The following ZNF236 variants were observed in gnomAD, a reference collection of about 807,000 sequenced individuals.
ZNF236 encodes regulated by glucose.
ZNF236 carries 50 observed loss-of-function variants against 191.2 expected under a neutral mutation model. The ratio of observed to expected loss-of-function variants is 0.26; its 90% CI spans 0.21 to 0.33. The LOEUF (loss-of-function observed/expected upper bound fraction) is 0.33, where lower values mean the gene tolerates loss of function less well. ZNF236 is among the 10% of genes least tolerant of loss of function. The probability of loss-of-function intolerance (pLI) is 1.00; values close to 1 mark genes in which losing one functional copy is unlikely to be tolerated. For missense variants in ZNF236, 1,754 were observed against 2,374.5 expected, an observed-to-expected ratio of 0.74 and a Z score of 5.43; for synonymous variants, 907 against 928.8, an observed-to-expected ratio of 0.98 and a Z score of 0.43.
chr18:76,938,915 G>A (rs1021577517), intron 26 of ZNF236, among the ~76,000 whole-genome samples: 5 of 152,190 alleles, frequency 3.3e-5, no homozygotes, highest in African/African-American at 4.8e-5. Context: ...TGTGCGGAGC[G>A]CGTGACTGCT....
chr18:76,862,008 C>T (rs1444854880), intron 3 of ZNF236, among the ~76,000 whole-genome samples: 5 of 152,154 alleles, frequency 3.3e-5, no homozygotes, highest in Admixed American at 6.5e-5. Context: ...GGACGACAGG[C>T]GCCCGTCACC....
intron 30 of ZNF236, among the ~76,000 whole-genome samples, 167 bp downstream of exon 30, chr18:76,961,022 A>G (rs1311662219): frequency 6.6e-6 from 1 of 152,072 alleles, no homozygotes; most frequent in Non-Finnish European, 1.5e-5. Context: ...TTTGATTTCC[A>G]TAGGTTATTG....
chr18:76,900,727 A>G (rs1430533348), intron 11 of ZNF236, among the ~76,000 whole-genome samples: 1 of 152,234 alleles, frequency 6.6e-6, no homozygotes, highest in African/African-American at 2.4e-5. Context: ...AGAAAATAAG[A>G]CAGATTGAAA....
In ZNF236 at chr18:76,921,308, C is replaced by G. The variant is rs138265702; in HGVS notation, c.3557+1250C>G. 2.8e-3 allele frequency among the ~76,000 whole-genome samples: 425 copies of G among 152,336 alleles called. 1 individual carries two copies. Among genetic ancestry groups the G allele is most frequent in the Middle Eastern group, 0.017 (5 of 294 alleles). ...GTGGTGTGGCCACAGGACCCTTCAA[C>G]AGCGAGCTCTCGTTGAGCCATGCAG... On this transcript the variant is annotated intron_variant, in intron 20 of 30. Transcript: ENST00000320610.
intron 1 of ZNF236, chr18:76,834,939 A>G (rs1268008313): frequency 1.0e-5 from 2 of 190,980 alleles, no homozygotes; most frequent in African/African-American, 2.4e-5. Context: ...AGAACTACAT[A>G]TACGCCGCTT....
intron 30 of ZNF236, among the ~76,000 whole-genome samples, chr18:76,966,603 G>A (rs1346585933): frequency 6.6e-6 from 1 of 152,138 alleles, no homozygotes. Context: ...CAGTTCAGGT[G>A]CTGTCTCGGT....
intron 7 of ZNF236, among the ~76,000 whole-genome samples, chr18:76,879,492 C>T (rs1976813465): frequency 6.6e-6 from 1 of 152,116 alleles, no homozygotes; most frequent in African/African-American, 2.4e-5. Context: ...CAGAGTTGTC[C>T]ATTCAACGGG....
At chr18:76,940,129 C>T (rs1968100237) in intron 26 of ZNF236, among the ~76,000 whole-genome samples, 1 of 141,882 alleles carries the variant, frequency 7.0e-6, no homozygotes, top group African/African-American at 2.7e-5. Flanking sequence ...GTGGGCTACC[C>T]TAGCACTGCA....
At chr18:76,951,636 G>A (rs923393497) in intron 27 of ZNF236, among the ~76,000 whole-genome samples, 1 of 152,212 alleles carries the variant, frequency 6.6e-6, no homozygotes, top group African/African-American at 2.4e-5. Flanking sequence ...CAACAGTGCA[G>A]TTTCACTTTC....
At chr18:76,866,667 C>T (rs542463089) in intron 3 of ZNF236, among the ~76,000 whole-genome samples, 2 of 152,234 alleles carry the variant, frequency 1.3e-5, no homozygotes, top group South Asian at 4.2e-4. Flanking sequence ...TGAGAATTAC[C>T]CCAGGACAGC....
At chr18:76,854,019 A>G (rs1372986808) in intron 3 of ZNF236, among the ~76,000 whole-genome samples, 2 of 151,970 alleles carry the variant, frequency 1.3e-5, no homozygotes, top group Non-Finnish European at 2.9e-5. Flanking sequence ...TTAAAAAAAA[A>G]AAAAGAAAAG....
chr18:76,862,924 GA>G (rs1486681336), intron 3 of ZNF236, among the ~76,000 whole-genome samples: 1 of 152,216 alleles, frequency 6.6e-6, no homozygotes, highest in Non-Finnish European at 1.5e-5. Context: ...CTGGACATTG[GA>G]ATTACCTGAC....
At chr18:76,913,954 A>T in intron 18 of ZNF236, 56 bp downstream of exon 18, 1 of 1,591,832 alleles carries the variant, frequency 6.3e-7, no homozygotes, top group Non-Finnish European at 8.6e-7. Context: ...AGCTTTATTG[A>T]GATATAATCC....
intron 26 of ZNF236, among the ~76,000 whole-genome samples, chr18:76,947,189 T>A (rs558669957): frequency 6.6e-6 from 1 of 152,362 alleles, no homozygotes; most frequent in African/African-American, 2.4e-5. Context: ...TTTCCAAGGC[T>A]CCTCCATGCT....
intron 2 of ZNF236, among the ~76,000 whole-genome samples, chr18:76,851,224 A>T (rs1046775031): frequency 6.6e-6 from 1 of 150,974 alleles, no homozygotes; most frequent in African/African-American, 2.4e-5. Flanking sequence ...TAGACGTTCA[A>T]CACAAACCCA....
At chr18:76,935,304 T>G (rs1029975304) in intron 25 of ZNF236, among the ~76,000 whole-genome samples, 1 of 152,368 alleles carries the variant, frequency 6.6e-6, no homozygotes, top group East Asian at 1.9e-4. Flanking sequence ...AGGACATTAT[T>G]AAAGGTTCAC....
At chr18:76,936,148 G>A (rs959859434) in intron 25 of ZNF236, 8 of 431,946 alleles carry the variant, frequency 1.9e-5, no homozygotes, top group Non-Finnish European at 2.3e-5. Context: ...GTGCTGACAG[G>A]CGCGTGTTTC....
rs146591770 is a variant in ZNF236 at position 76,942,398 on chromosome 18, A to G, written c.4782+5055A>G. Among the ~76,000 whole-genome samples, 746 of 152,310 alleles carry G rather than the reference A, an allele frequency of 4.9e-3. 6 individuals are homozygous for G. Among genetic ancestry groups the G allele is most frequent in the African/African-American group, 0.017 (713 of 41,598 alleles). On this transcript the variant is annotated intron_variant, in intron 26 of 30. Coordinates refer to ENST00000320610, the MANE Select transcript of ZNF236 (RefSeq NM_001306089.2). The stretch of plus-strand genomic sequence containing the variant: ...GGAAAGTCATGTAAACTTATTATGT[A>G]TTATTTTTTGTTTCTTTGTAAAATC...
intron 3 of ZNF236, among the ~76,000 whole-genome samples, chr18:76,853,863 T>G (rs958535331): frequency 2.0e-5 from 3 of 151,710 alleles, no homozygotes; most frequent in African/African-American, 7.3e-5. Flanking sequence ...ATACAAAAAT[T>G]AGCCAGGCAT....
Sources: gnomAD v4.1 joint callset for allele counts (sites outside exome capture counted in the v4.1 genomes callset) on GRCh38, gnomAD v4.1.1 for gene constraint, MANE v1.5 for transcripts, NCBI Gene and HGNC (gene_info 2026-07-23, HGNC 2026-07-21) for gene names.